GRIA1: variants seen among roughly 807,000 people sequenced by gnomAD.
The protein encoded by GRIA1 is glutamate receptor 1.
In GRIA1, 31 loss-of-function variants were observed where a neutral mutation model predicts 99.2. The observed-to-expected ratio is 0.31, with a 90% CI of 0.23 to 0.42. The LOEUF (loss-of-function observed/expected upper bound fraction) is 0.42. Among genes scored for constraint, GRIA1 ranks in the 10% least tolerant of loss-of-function variants. The pLI, the probability that GRIA1 is intolerant of heterozygous loss-of-function variation, is 1.00. For missense variants in GRIA1, 782 were observed against 1,157.5 expected (o/e 0.68, Z 4.71); for synonymous variants, 438 against 432.4 (o/e 1.01, Z -0.16).
intron 2 of GRIA1, among the ~76,000 whole-genome samples, chr5:153,625,297 A>G (rs976886832): frequency 6.6e-6 from 1 of 152,208 alleles, no homozygotes; most frequent in Non-Finnish European, 1.5e-5. Flanking sequence ...GACTTTGGGC[A>G]AGGCTCTTTC....
At chr5:153,645,259 C>T (rs1754062118) in intron 2 of GRIA1, among the ~76,000 whole-genome samples, 1 of 152,024 alleles carries the variant, frequency 6.6e-6, no homozygotes, top group Non-Finnish European at 1.5e-5. Flanking sequence ...GATCACCTGC[C>T]AGGTTTCCTG....
chr5:153,724,219 G>A (rs1017044812), intron 11 of GRIA1, among the ~76,000 whole-genome samples: 1 of 151,918 alleles, frequency 6.6e-6, no homozygotes, highest in Admixed American at 6.6e-5. Flanking sequence ...CAAACAGAAA[G>A]GACATCCACA....
At chr5:153,533,177 C>T (rs1758239826) in intron 2 of GRIA1, among the ~76,000 whole-genome samples, 1 of 152,138 alleles carries the variant, frequency 6.6e-6, no homozygotes, top group Non-Finnish European at 1.5e-5. Context: ...TGACTTTCAC[C>T]AGGAGTCTCA....
chr5:153,796,799 G>A (rs1048343069), intron 14 of GRIA1, among the ~76,000 whole-genome samples: 34 of 24,750 alleles, frequency 1.4e-3, no homozygotes, highest in African/African-American at 4.5e-3. Context: ...CCCACCCCCC[G>A]GCTTGTTTTA....
chr5:153,714,628 T>C (rs1044480635), intron 11 of GRIA1, among the ~76,000 whole-genome samples: 2 of 152,208 alleles, frequency 1.3e-5, no homozygotes, highest in Non-Finnish European at 2.9e-5. Context: ...GAAACCCAGT[T>C]GTTCACCTGC....
intron 5 of GRIA1, among the ~76,000 whole-genome samples, chr5:153,656,396 T>A (rs776279307): frequency 0.42 from 60,119 of 144,178 alleles, 13,686 homozygotes; most frequent in Non-Finnish European, 0.46. Context: ...TATATATATA[T>A]ATATATATAT....
At chr5:153,658,181 A>T (rs1252110888) in intron 5 of GRIA1, among the ~76,000 whole-genome samples, 1 of 152,154 alleles carries the variant, frequency 6.6e-6, no homozygotes, top group Non-Finnish European at 1.5e-5. Flanking sequence ...CTTTGTAGGC[A>T]CCCTGCTGCT....
At chr5:153,659,669 A>T (rs1166119902) in intron 5 of GRIA1, among the ~76,000 whole-genome samples, 1 of 152,220 alleles carries the variant, frequency 6.6e-6, no homozygotes, top group Non-Finnish European at 1.5e-5. Flanking sequence ...CCAACAAGCG[A>T]ATGCTTCAGT....
intron 11 of GRIA1, among the ~76,000 whole-genome samples, chr5:153,763,127 T>G (rs867626172): frequency 6.6e-6 from 1 of 152,306 alleles, no homozygotes. Flanking sequence ...ATGACATATA[T>G]TTGTTGGATT....
At chr5:153,493,095 A>G (rs1754077721) in intron 1 of GRIA1, among the ~76,000 whole-genome samples, 1 of 152,232 alleles carries the variant, frequency 6.6e-6, no homozygotes, top group African/African-American at 2.4e-5. Flanking sequence ...AAGGTAAGCC[A>G]TGGACTCTTG....
At chr5:153,646,116 C>A (rs1315067839) in intron 2 of GRIA1, among the ~76,000 whole-genome samples, 1 of 152,170 alleles carries the variant, frequency 6.6e-6, no homozygotes, top group Non-Finnish European at 1.5e-5. Flanking sequence ...GAAGTATAAT[C>A]AACCACAAAC....
Position 153,496,156 on chromosome 5 carries a change from G to T in GRIA1, c.220+2091G>T, listed in dbSNP as rs144907481. 2.1e-3 allele frequency among the ~76,000 whole-genome samples: 323 copies of T among 152,332 alleles called. 3 individuals carry two copies. Among genetic ancestry groups the T allele is most frequent in the African/African-American group, 7.2e-3 (300 of 41,578 alleles). The stretch of plus-strand genomic sequence containing the variant: ...TTCTAAGGCAAAAGGTGGTGCTTCT[G>T]TCTTGTTATCTCAGCAACCTAAGAC... On this transcript the variant is annotated intron_variant, in intron 2 of 15. Transcript: ENST00000285900.
chr5:153,764,707 T>C (rs1371213907), intron 12 of GRIA1, 75 bp downstream of exon 12: 4 of 1,076,808 alleles, frequency 3.7e-6, no homozygotes, highest in Non-Finnish European at 5.6e-6. Context: ...CTTCTCATTA[T>C]ATAGCCTGAG....
At chr5:153,549,684 A>T (rs1489575301) in intron 2 of GRIA1, among the ~76,000 whole-genome samples, 1 of 152,184 alleles carries the variant, frequency 6.6e-6, no homozygotes, top group Non-Finnish European at 1.5e-5. Context: ...AAAATTTTCC[A>T]GGAAACTAAT....
At chr5:153,643,727 G>A (rs547625274) in intron 2 of GRIA1, among the ~76,000 whole-genome samples, 16 of 152,312 alleles carry the variant, frequency 1.1e-4, no homozygotes, top group Middle Eastern at 3.4e-3. Context: ...GGAGTAGTGC[G>A]TAAATGCACC....
At chr5:153,624,423 AC>A (rs1767384263) in intron 2 of GRIA1, among the ~76,000 whole-genome samples, 1 of 151,554 alleles carries the variant, frequency 6.6e-6, no homozygotes, top group Non-Finnish European at 1.5e-5. Context: ...CTTCTCTATC[AC>A]CCCACCCACC....
intron 2 of GRIA1, among the ~76,000 whole-genome samples, chr5:153,545,840 C>A (rs1759567383): frequency 6.6e-6 from 1 of 152,174 alleles, no homozygotes; most frequent in South Asian, 2.1e-4. Context: ...TCCAATAAAA[C>A]TTTATTTACA....
At chr5:153,496,034 C>T (rs1321054028) in intron 2 of GRIA1, among the ~76,000 whole-genome samples, 1 of 152,188 alleles carries the variant, frequency 6.6e-6, no homozygotes, top group African/African-American at 2.4e-5. Context: ...ATATCTACAG[C>T]AGGTTTTGGT....
intron 2 of GRIA1, among the ~76,000 whole-genome samples, chr5:153,642,464 C>T (rs1753840354): frequency 6.6e-6 from 1 of 152,046 alleles, no homozygotes; most frequent in African/African-American, 2.4e-5. Flanking sequence ...CAGTGGCTCA[C>T]ACCTGTAATC....
Sources: gnomAD v4.1 joint callset for allele counts (sites outside exome capture counted in the v4.1 genomes callset) on GRCh38, gnomAD v4.1.1 for gene constraint, MANE v1.5 for transcripts, NCBI Gene and HGNC (gene_info 2026-07-23, HGNC 2026-07-21) for gene names.